The following BRD10 variants were observed in gnomAD, a reference collection of about 807,000 sequenced individuals.
BRD10 encodes uncharacterized bromodomain-containing protein 10.
chr9:5,890,643 T>C, the BRD10 span, among the ~76,000 whole-genome samples: 4 of 152,226 alleles, frequency 2.6e-5, no homozygotes, highest in Admixed American at 6.5e-5. Context: ...TTATGTGACA[T>C]GGCAATCCTA....
chr9:5,894,067 T>C, the BRD10 span, among the ~76,000 whole-genome samples: 65 of 152,276 alleles, frequency 4.3e-4, 1 homozygote, highest in South Asian at 0.013. This position sits in a 1 kb window ranked among gnomAD's most constrained non-coding sequence, Gnocchi z 4.0. Flanking sequence ...TTAAGTGTTA[T>C]GCTGCAGGCC....
At chr9:5,957,550 A>G in the BRD10 span, among the ~76,000 whole-genome samples, 3 of 152,322 alleles carry the variant, frequency 2.0e-5, no homozygotes, top group East Asian at 3.9e-4. Flanking sequence ...CTAGGAGCAT[A>G]CATGTGAAAT....
the BRD10 span, among the ~76,000 whole-genome samples, chr9:5,954,783 A>G: frequency 6.3e-4 from 96 of 152,292 alleles, no homozygotes; most frequent in Non-Finnish European, 1.0e-3. Context: ...AAAAAAATAC[A>G]TACATGCATA....
chr9:5,919,795 T>C, the BRD10 span: 4 of 1,613,470 alleles, frequency 2.5e-6, no homozygotes, highest in South Asian at 4.4e-5. Context: ...ATGGAGAGAG[T>C]GAAGAAACCT....
the BRD10 span, among the ~76,000 whole-genome samples, chr9:5,984,873 T>C: frequency 3.0e-3 from 458 of 152,008 alleles, 2 homozygotes; most frequent in Non-Finnish European, 4.7e-3. Context: ...GTAATCTCAA[T>C]CAACCTTCCC....
the BRD10 span, among the ~76,000 whole-genome samples, chr9:5,994,867 C>G: frequency 6.6e-6 from 1 of 151,868 alleles, no homozygotes. Context: ...CTCTTTCATT[C>G]TCCATAACAG....
chr9:5,946,677 T>C, the BRD10 span, among the ~76,000 whole-genome samples: 4 of 152,104 alleles, frequency 2.6e-5, no homozygotes, highest in South Asian at 8.3e-4. Context: ...CTTGTTAATA[T>C]CAAATCATAG....
chr9:5,921,109 T>G, the BRD10 span: 4 of 1,613,884 alleles, frequency 2.5e-6, no homozygotes, highest in Non-Finnish European at 3.4e-6. Flanking sequence ...TCACAAAATT[T>G]GAGCTTACTG....
At chr9:5,944,889 T>C in the BRD10 span, 1 of 1,534,022 alleles carries the variant, frequency 6.5e-7, no homozygotes, top group Non-Finnish European at 8.8e-7. Context: ...TTCTACTGTT[T>C]TCCAGATCTT....
chr9:6,004,751 A>G, the BRD10 span, among the ~76,000 whole-genome samples: 1 of 152,212 alleles, frequency 6.6e-6, no homozygotes. Flanking sequence ...TGAACACTCT[A>G]TAGAATATTG....
chr9:5,994,166 A>G, the BRD10 span, among the ~76,000 whole-genome samples: 1 of 152,194 alleles, frequency 6.6e-6, no homozygotes, highest in South Asian at 2.1e-4. Context: ...TTTTTATACC[A>G]TCAATAATGT....
At chr9:5,968,120 C>A in the BRD10 span, 3 of 1,574,000 alleles carry the variant, frequency 1.9e-6, no homozygotes, top group African/African-American at 1.3e-5. Context: ...AAGACCTTCA[C>A]GCTTTCTCTG....
the BRD10 span, among the ~76,000 whole-genome samples, chr9:6,002,745 C>T: frequency 4.7e-5 from 7 of 150,524 alleles, no homozygotes; most frequent in Non-Finnish European, 8.8e-5. Context: ...AGCACCATCT[C>T]GGCTCACCGC....
chr9:5,990,688 C>G, the BRD10 span, among the ~76,000 whole-genome samples: 1 of 152,090 alleles, frequency 6.6e-6, no homozygotes, highest in Non-Finnish European at 1.5e-5. Flanking sequence ...AACCATGGTG[C>G]TGCTTCTCTC....
chr9:5,958,259 A>G, the BRD10 span, among the ~76,000 whole-genome samples: 1 of 152,348 alleles, frequency 6.6e-6, no homozygotes, highest in Non-Finnish European at 1.5e-5. Context: ...AACTAAAGAT[A>G]TATTTTATAC....
At chr9:5,897,655 T>C in the BRD10 span, 7 of 1,612,860 alleles carry the variant, frequency 4.3e-6, no homozygotes, top group East Asian at 6.7e-5. Flanking sequence ...GCCTTGATGG[T>C]TGGTAAAGTT....
chr9:6,008,003 A>G, the BRD10 span: 2 of 1,263,352 alleles, frequency 1.6e-6, no homozygotes, highest in Non-Finnish European at 2.0e-6. Context: ...GAGGGGGGAG[A>G]GAAGAGGAGA....
chr9:5,924,539 C>T, the BRD10 span: 1 of 557,672 alleles, frequency 1.8e-6, no homozygotes, highest in Non-Finnish European at 2.9e-6. Context: ...TTCTTCAAAA[C>T]ATAACAGATT....
At chr9:6,004,063 C>T in the BRD10 span, among the ~76,000 whole-genome samples, 1 of 152,120 alleles carries the variant, frequency 6.6e-6, no homozygotes. Flanking sequence ...CCAGTTAAAC[C>T]TTCCTAAAAA....
Sources: allele counts gnomAD v4.1 joint callset (sites outside exome capture counted in the v4.1 genomes callset), GRCh38; gene constraint gnomAD v4.1.1; non-coding constraint Gnocchi (gnomAD v3.1); transcripts MANE v1.5; gene names NCBI Gene and HGNC (gene_info 2026-07-23, HGNC 2026-07-21).